The following NCKAP5 variants were observed in gnomAD, a reference collection of about 807,000 sequenced individuals.
NCKAP5 encodes the protein NCK associated protein 5.
Under a neutral mutation model 167.0 loss-of-function variants are expected in NCKAP5, and 92 were observed. The observed-to-expected ratio is 0.55, with a 90% confidence interval of 0.47 to 0.66. The LOEUF is 0.66. Among genes scored for constraint, NCKAP5 ranks in the 30% least tolerant of loss-of-function variants. The probability of loss-of-function intolerance (pLI) is 0.00; values close to 1 mark genes in which losing one functional copy is unlikely to be tolerated. For synonymous variants in NCKAP5, 891 were observed against 877.4 expected, an observed-to-expected ratio of 1.02 and a Z score of -0.27; for missense variants, 2,378 against 2,315.0, an observed-to-expected ratio of 1.03 and a Z score of -0.56.
intron 3 of NCKAP5, among the ~76,000 whole-genome samples, chr2:133,473,287 G>A (rs948990293): frequency 1.6e-4 from 24 of 151,800 alleles, no homozygotes; most frequent in East Asian, 1.2e-3. Flanking sequence ...AGCCGAGATC[G>A]AGCCACTGCA....
At chr2:132,947,039 G>A (rs1275507975) in intron 8 of NCKAP5, among the ~76,000 whole-genome samples, 2 of 152,106 alleles carry the variant, frequency 1.3e-5, no homozygotes, top group Admixed American at 6.6e-5. Flanking sequence ...AGTCTCACAG[G>A]GATATGTCAT....
intron 8 of NCKAP5, among the ~76,000 whole-genome samples, chr2:132,905,946 C>T (rs1693978765): frequency 1.3e-5 from 2 of 152,146 alleles, no homozygotes; most frequent in Admixed American, 6.5e-5. Context: ...ACTCCAAAAA[C>T]AATGTGAACT....
chr2:132,755,666 T>C (rs1202892360), intron 16 of NCKAP5, among the ~76,000 whole-genome samples: 2 of 151,506 alleles, frequency 1.3e-5, no homozygotes, highest in East Asian at 2.0e-4. Flanking sequence ...CCGTCTCAAC[T>C]AAAAATACAA....
chr2:132,898,519 A>G (rs75976656), intron 8 of NCKAP5, among the ~76,000 whole-genome samples: 1,656 of 152,326 alleles, frequency 0.011, 36 homozygotes, highest in African/African-American at 0.037. Flanking sequence ...CCCCAGATCC[A>G]TCAGAGGAAT....
Position 133,082,018 on chromosome 2 carries a change from C to T in NCKAP5, c.341+47960G>A, listed in dbSNP as rs574857257. ...GCATAGTACTTGATAGGTGGTTTTT[C>T]GATCCTCTCCCTCCTCCCACCCTCC... On this transcript the variant is annotated intron_variant, in intron 6 of 19. Transcript: ENST00000409261. 1.7e-4 allele frequency among the ~76,000 whole-genome samples: 26 copies of T among 152,090 alleles called. No individual in the cohort carries two copies. The South Asian group carries it at 4.2e-3, about 24-fold the overall frequency.
chr2:133,264,134 A>G (rs2089059640), intron 4 of NCKAP5, among the ~76,000 whole-genome samples: 1 of 152,218 alleles, frequency 6.6e-6, no homozygotes, highest in South Asian at 2.1e-4. Flanking sequence ...TATACATGTT[A>G]CGTGCATTTC....
chr2:133,223,561 G>A (rs1447987093), intron 4 of NCKAP5, among the ~76,000 whole-genome samples: 1 of 152,158 alleles, frequency 6.6e-6, no homozygotes, highest in Non-Finnish European at 1.5e-5. Flanking sequence ...CCCTCTGACA[G>A]GGTGAGAGGA....
At chr2:133,316,233 C>T (rs1681602385) in intron 3 of NCKAP5, among the ~76,000 whole-genome samples, 1 of 152,198 alleles carries the variant, frequency 6.6e-6, no homozygotes, top group South Asian at 2.1e-4. Flanking sequence ...TTCCTTGAAA[C>T]ACCTCCAATA....
intron 13 of NCKAP5, among the ~76,000 whole-genome samples, chr2:132,787,651 G>T (rs550587762): frequency 6.6e-6 from 1 of 152,140 alleles, no homozygotes; most frequent in East Asian, 1.9e-4. Context: ...ATTCTCCACC[G>T]TCAGAAGTTG....
At chr2:132,965,079 A>C (rs2076620727) in intron 7 of NCKAP5, among the ~76,000 whole-genome samples, 1 of 152,226 alleles carries the variant, frequency 6.6e-6, no homozygotes, top group South Asian at 2.1e-4. Flanking sequence ...TTTAGACCAC[A>C]AAGTCAGTGA....
chr2:133,454,115 G>T (rs189372832), intron 3 of NCKAP5, among the ~76,000 whole-genome samples: 9 of 152,134 alleles, frequency 5.9e-5, no homozygotes, highest in Non-Finnish European at 1.3e-4. Flanking sequence ...CCTATAATAA[G>T]AAATGAAGAA....
At chr2:133,615,623 C>T in the NCKAP5 span, among the ~76,000 whole-genome samples, 3 of 152,112 alleles carry the variant, frequency 2.0e-5, no homozygotes, top group South Asian at 2.1e-4. Flanking sequence ...TAGATGCACC[C>T]AATACAGGAG....
chr2:132,672,206 TA>T lies in NCKAP5; in HGVS notation c.*1082del, dbSNP rs1683834603. On this transcript the variant is annotated 3_prime_UTR_variant, in exon 20 of 20. Coordinates refer to ENST00000409261, the MANE Select transcript of NCKAP5 (RefSeq NM_207363.3). ...GCAAATAGAAATTTGTTTTCATTTT[TA>T]GAGTGCCCAGATTTTAATAAAAAGA... 6.6e-6 allele frequency: 1 copy of T among 152,652 alleles called. No individual in the cohort carries two copies. The highest frequency in any genetic ancestry group is 6.5e-5 in the Admixed American group (1 of 15,288). 9.5% of individuals were successfully genotyped at this position (152,652 alleles called of 1,614,324 possible). A position where few individuals can be genotyped will look rare whatever the true frequency, so the allele number is the denominator to read the frequency against.
At chr2:132,711,954 G>A (rs1193209473) in intron 19 of NCKAP5, among the ~76,000 whole-genome samples, 2 of 152,184 alleles carry the variant, frequency 1.3e-5, no homozygotes, top group Admixed American at 6.5e-5. Context: ...AAAGAGGCAA[G>A]TATTTTGGTG....
In NCKAP5 at chr2:133,332,979, T is replaced by C. The variant is rs147497887; in HGVS notation, c.70-29869A>G. Among the ~76,000 whole-genome samples, 162 of 152,362 alleles carry C rather than the reference T, an allele frequency of 1.1e-3. 1 individual carries two copies. The highest frequency in any genetic ancestry group is 3.7e-3 in the African/African-American group (152 of 41,592). On this transcript the variant is annotated intron_variant, in intron 3 of 19. Transcript: ENST00000409261. Reference sequence around the variant, plus strand: ...CAAAAGGTTCTCTCTGGAGGGAAAATTCTGGTCTCAAGAAATGAAACTTTG... The same window carrying C: ...CAAAAGGTTCTCTCTGGAGGGAAAACTCTGGTCTCAAGAAATGAAACTTTG...
At chr2:133,428,373 T>C (rs577372593) in intron 3 of NCKAP5, among the ~76,000 whole-genome samples, 1 of 152,232 alleles carries the variant, frequency 6.6e-6, no homozygotes, top group Admixed American at 6.5e-5. Flanking sequence ...GAAAATCATG[T>C]TAATCAGTAA....
chr2:132,751,591 G>C (rs1239910655), intron 16 of NCKAP5, among the ~76,000 whole-genome samples: 1 of 152,154 alleles, frequency 6.6e-6, no homozygotes, highest in South Asian at 2.1e-4. Context: ...CAATGCACAT[G>C]CCTACAGCCT....
chr2:133,285,864 G>A (rs568750324), intron 4 of NCKAP5, among the ~76,000 whole-genome samples: 149 of 152,198 alleles, frequency 9.8e-4, no homozygotes, highest in African/African-American at 3.4e-3. Context: ...AATTATACAT[G>A]TTAAATTAAT....
chr2:133,170,830 A>G (rs553105835), intron 5 of NCKAP5, among the ~76,000 whole-genome samples: 2 of 152,006 alleles, frequency 1.3e-5, no homozygotes, highest in Non-Finnish European at 2.9e-5. Flanking sequence ...GCCCTGAGAC[A>G]TTTATCAGCA....
Sources: allele counts gnomAD v4.1 joint callset (sites outside exome capture counted in the v4.1 genomes callset), GRCh38; gene constraint gnomAD v4.1.1; transcripts MANE v1.5; gene names NCBI Gene and HGNC (gene_info 2026-07-23, HGNC 2026-07-21).